Variants in ALDH1A3 observed in about 807,000 individuals in gnomAD.
ALDH1A3 encodes aldehyde dehydrogenase 1 family member A3, also known as retinaldehyde dehydrogenase 3.
In ALDH1A3, 28 loss-of-function variants were observed where a neutral mutation model predicts 57.5. That is an observed-to-expected ratio of 0.49 (90% CI 0.36 to 0.67). The LOEUF is 0.67. Among genes scored for constraint, ALDH1A3 ranks in the 30% least tolerant of loss-of-function variants. The pLI is 0.00. For synonymous variants in ALDH1A3, 281 were observed against 264.8 expected, an observed-to-expected ratio of 1.06 and a Z score of -0.59; for missense variants, 507 against 669.4, an observed-to-expected ratio of 0.76 and a Z score of 2.68.
At chr15:100,908,334 G>A in intron 11 of ALDH1A3, 74 bp from the exon 12 acceptor site, 1 of 1,258,880 alleles carries the variant, frequency 7.9e-7, no homozygotes, top group East Asian at 2.3e-5. Flanking sequence ...TGCACTGGGG[G>A]CTAAGTGGCT....
intron 6 of ALDH1A3, 141 bp from the exon 7 acceptor site, chr15:100,895,792 T>G (rs77020857): frequency 1.4e-6 from 1 of 701,928 alleles, no homozygotes; most frequent in African/African-American, 1.8e-5. Context: ...CACGGTCAAC[T>G]GCTTCTGGGT....
chr15:100,894,145 G>A lies in ALDH1A3; in HGVS notation c.666+63G>A, dbSNP rs1188721670. On this transcript the variant is annotated intron_variant, in intron 6 of 12. Coordinates refer to ENST00000329841, the MANE Select transcript of ALDH1A3 (RefSeq NM_000693.4). This position sits in a 1 kb window ranked among gnomAD's most constrained non-coding sequence, Gnocchi z 4.5. Reference sequence around the variant, plus strand: ...TAACATTCCCACTCCTAGGAACCAGGCCACCGTCACGAGATGGGACAGTGG... The same window carrying A: ...TAACATTCCCACTCCTAGGAACCAGACCACCGTCACGAGATGGGACAGTGG... The A allele has an allele frequency of 2.5e-6, 4 of 1,585,792 alleles. No individual in the cohort carries two copies. Among genetic ancestry groups the A allele is most frequent in the African/African-American group, 1.3e-5 (1 of 74,428 alleles).
chr15:100,883,216 A>G (rs1056005938), intron 1 of ALDH1A3, among the ~76,000 whole-genome samples: 3 of 152,134 alleles, frequency 2.0e-5, no homozygotes, highest in African/African-American at 7.2e-5. Context: ...TTTCACTGAC[A>G]GTCTCTATTA....
intron 3 of ALDH1A3, among the ~76,000 whole-genome samples, chr15:100,890,132 C>T (rs1298268378): frequency 6.6e-6 from 1 of 152,190 alleles, no homozygotes; most frequent in African/African-American, 2.4e-5. Flanking sequence ...AAACGGAAGC[C>T]CTCCCTATCC....
In ALDH1A3 at chr15:100,887,704, A is replaced by G. The variant is rs776567475; in HGVS notation, c.337A>G (p.Thr113Ala). 1 of 1,600,402 alleles carries G rather than the reference A, an allele frequency of 6.2e-7. No individual in the cohort carries two copies. Among genetic ancestry groups the G allele is most frequent in the Non-Finnish European group, 8.5e-7 (1 of 1,172,418 alleles). ...LADLVERDRA[T>A]LAALETMDTG... is the part of the protein sequence containing the mutation. Reference sequence around the variant, plus strand: ...TGACCTGGTGGAGAGGGACCGCGCCACCTTGGCCGTGAGTACATGCACTTG... The same window carrying G: ...TGACCTGGTGGAGAGGGACCGCGCCGCCTTGGCCGTGAGTACATGCACTTG... Residue 113 changes from threonine to alanine, a missense_variant, in exon 3 of 13, where the codon ACC (threonine) becomes GCC (alanine). Physicochemically the swap from Thr to Ala is moderately conservative, Grantham distance 58. This residue lies in a region of ALDH1A3 where 432 missense variants were observed against 608.4 expected (regional missense o/e 0.71). Coordinates refer to ENST00000329841, the MANE Select transcript of ALDH1A3 (RefSeq NM_000693.4). This position sits in a 1 kb window ranked among gnomAD's most constrained non-coding sequence, Gnocchi z 4.6.
At chr15:100,914,377 T>C (rs570960516) in intron 12 of ALDH1A3, 4 of 193,574 alleles carry the variant, frequency 2.1e-5, no homozygotes, top group African/African-American at 4.6e-5. Context: ...TCTCTCGTTT[T>C]GCTCTCTATT....
intron 3 of ALDH1A3, among the ~76,000 whole-genome samples, chr15:100,888,176 G>A (rs190285417): frequency 7.9e-5 from 12 of 152,178 alleles, no homozygotes; most frequent in African/African-American, 2.9e-4. Context: ...TCGGCTCACT[G>A]CAGCCTCTGC....
chr15:100,905,432 T>G, intron 9 of ALDH1A3, 91 bp from the exon 10 acceptor site: 2 of 1,487,888 alleles, frequency 1.3e-6, no homozygotes, highest in Middle Eastern at 1.8e-4. Flanking sequence ...AGAGGGAGGA[T>G]GGCTGATCAT....
intron 8 of ALDH1A3, among the ~76,000 whole-genome samples, chr15:100,899,680 G>A (rs1163733574): frequency 6.6e-6 from 1 of 152,200 alleles, no homozygotes; most frequent in Non-Finnish European, 1.5e-5. Flanking sequence ...GGCCCAGCCA[G>A]CTGCAGGGGT....
In ALDH1A3 at chr15:100,900,008, C is replaced by T. The variant is rs575966293; in HGVS notation, c.884-567C>T. ...CCCAATACCATTCTTATCCACTAAGCGTGTCCCCCAAGATCTTATTCTCTA... is the reference window on the plus strand; with the variant it reads ...CCCAATACCATTCTTATCCACTAAGTGTGTCCCCCAAGATCTTATTCTCTA... On this transcript the variant is annotated intron_variant, in intron 8 of 12. Transcript: ENST00000329841. 2.6e-5 allele frequency among the ~76,000 whole-genome samples: 4 copies of T among 152,350 alleles called. No homozygotes were observed. The South Asian group carries it at 6.2e-4, about 24-fold the overall frequency.
intron 3 of ALDH1A3, 179 bp from the exon 4 acceptor site, chr15:100,892,331 C>A: frequency 1.3e-6 from 1 of 786,478 alleles, no homozygotes; most frequent in Non-Finnish European, 1.9e-6. Flanking sequence ...TCCTCACACT[C>A]AGAGACAGGC....
intron 7 of ALDH1A3, among the ~76,000 whole-genome samples, chr15:100,896,292 A>G (rs994356163): frequency 2.0e-5 from 3 of 152,238 alleles, no homozygotes; most frequent in African/African-American, 7.2e-5. Flanking sequence ...TAAAATATTC[A>G]TCTGTCAAAC....
chr15:100,887,637 G>A lies in ALDH1A3; in HGVS notation c.270G>A (p.Arg90=), dbSNP rs2041609533. 1 of 1,612,132 alleles carries A rather than the reference G, an allele frequency of 6.2e-7. No individual in the cohort carries two copies. The highest frequency in any genetic ancestry group is 2.2e-5 in the East Asian group (1 of 44,740). ...TCCAGAGGGGCTCGCCATGGCGCCG[G>A]CTGGATGCCCTGAGTCGTGGGCGGC... ...VAFQRGSPWR[R]LDALSRGRLL... The change falls in exon 3 of 13, where the codon CGG becomes CGA. Residue 90 remains arginine (R), a synonymous_variant. Transcript: ENST00000329841. The surrounding 1 kb of genome is among the most constrained non-coding windows in gnomAD (Gnocchi z 4.6).
intron 2 of ALDH1A3, among the ~76,000 whole-genome samples, chr15:100,886,838 T>C (rs776054330): frequency 6.6e-6 from 1 of 152,220 alleles, no homozygotes; most frequent in African/African-American, 2.4e-5. Flanking sequence ...CTCCTCCCTG[T>C]CTGCGAACTG....
Position 100,906,453 on chromosome 15 carries a change from C to G in ALDH1A3, c.1234-668C>G, listed in dbSNP as rs2041823137. ...TGCCGTGATGGCATGAAGCTCAGCT[C>G]CTTAAACATCCCTGTGACGAGAGGT... On this transcript the variant is annotated intron_variant, in intron 10 of 12. Transcript: ENST00000329841. This position sits in a 1 kb window ranked among gnomAD's most constrained non-coding sequence, Gnocchi z 4.8. Among the ~76,000 whole-genome samples, 1 of 152,198 alleles carries G rather than the reference C, an allele frequency of 6.6e-6. No individual in the cohort carries two copies. Among genetic ancestry groups the G allele is most frequent in the Non-Finnish European group, 1.5e-5 (1 of 68,030 alleles).
In ALDH1A3 at chr15:100,906,343, AT is replaced by A. The variant is rs2041821931; in HGVS notation, c.1233+660del. Among the ~76,000 whole-genome samples, 1 of 152,154 alleles carries A rather than the reference AT, an allele frequency of 6.6e-6. No individual in the cohort carries two copies. The highest frequency in any genetic ancestry group is 2.1e-4 in the South Asian group (1 of 4,826). ...CAGGAGGTTAGACCCTGGAGGTGGT[AT>A]TTTGGGGCACATAAAAGGATGAGTC... On this transcript the variant is annotated intron_variant, in intron 10 of 12. Coordinates refer to ENST00000329841, the MANE Select transcript of ALDH1A3 (RefSeq NM_000693.4). The surrounding 1 kb of genome is among the most constrained non-coding windows in gnomAD (Gnocchi z 4.8).
In ALDH1A3 at chr15:100,893,949, C is replaced by T. The variant is rs775064735; in HGVS notation, c.538-5C>T. 142 of 1,613,910 alleles carry T rather than the reference C, an allele frequency of 8.8e-5. 1 individual carries two copies. The highest frequency in any genetic ancestry group is 7.9e-4 in the South Asian group (72 of 91,034). On this transcript the variant is annotated splice_region_variant and splice_polypyrimidine_tract_variant and intron_variant, in intron 5 of 12. Transcript: ENST00000329841. The surrounding 1 kb of genome is among the most constrained non-coding windows in gnomAD (Gnocchi z 4.8). ...GGCCTCCAAAGCCCCTGTGCTCTGT[C>T]GCAGTGGAACTTCCCCCTGCTGATG...
intron 8 of ALDH1A3, among the ~76,000 whole-genome samples, chr15:100,900,315 A>G (rs916301889): frequency 6.6e-6 from 1 of 152,192 alleles, no homozygotes; most frequent in Non-Finnish European, 1.5e-5. Context: ...GACTCTCTGG[A>G]CTTATTAGCA....
At chr15:100,880,752 A>G (rs1244340963) in intron 1 of ALDH1A3, 1 of 152,410 alleles carries the variant, frequency 6.6e-6, no homozygotes, top group Non-Finnish European at 1.5e-5. Context: ...CTGGGAGGCT[A>G]CAGCGTTGGC....
Sources: allele counts gnomAD v4.1 joint callset (sites outside exome capture counted in the v4.1 genomes callset), GRCh38; gene constraint gnomAD v4.1.1; regional missense constraint gnomAD v4.1.1; non-coding constraint Gnocchi (gnomAD v3.1); transcripts MANE v1.5; gene names NCBI Gene and HGNC (gene_info 2026-07-23, HGNC 2026-07-21).